HELLS: variants seen among roughly 807,000 people sequenced by gnomAD.
HELLS encodes the protein lymphoid-specific helicase.
In HELLS, 32 loss-of-function variants were observed where a neutral mutation model predicts 120.0. The ratio of observed to expected loss-of-function variants is 0.27; its 90% CI spans 0.20 to 0.36. HELLS has a LOEUF of 0.36. HELLS is among the 10% of genes least tolerant of loss of function. The probability of loss-of-function intolerance (pLI) is 1.00; values close to 1 mark genes in which losing one functional copy is unlikely to be tolerated. For missense variants in HELLS, 650 were observed against 993.4 expected, an observed-to-expected ratio of 0.65 and a Z score of 4.65; for synonymous variants, 341 against 323.4, an observed-to-expected ratio of 1.05 and a Z score of -0.58.
chr10:94,607,440 T>A (rs887286222), intron 8 of HELLS, among the ~76,000 whole-genome samples: 7 of 152,208 alleles, frequency 4.6e-5, no homozygotes, highest in African/African-American at 1.7e-4. Context: ...CAGAGGGGAA[T>A]AGATGGACTC....
intron 6 of HELLS, among the ~76,000 whole-genome samples, chr10:94,563,387 G>A (rs1430513490): frequency 6.6e-6 from 1 of 152,010 alleles, no homozygotes; most frequent in South Asian, 2.1e-4. Flanking sequence ...GAGCCATTGC[G>A]CCCATCCTCA....
intron 17 of HELLS, among the ~76,000 whole-genome samples, 182 bp from the exon 18 acceptor site, chr10:94,593,317 G>A (rs1163862769): frequency 1.3e-5 from 2 of 152,092 alleles, no homozygotes; most frequent in Non-Finnish European, 2.9e-5. Flanking sequence ...TTTAATATAG[G>A]TGCTTGGACG....
chr10:94,576,552 A>G, intron 9 of HELLS, 110 bp from the exon 10 acceptor site: 1 of 572,154 alleles, frequency 1.7e-6, no homozygotes, highest in East Asian at 3.1e-5. Context: ...AAATAGAAAT[A>G]AAATTTTTTA....
At chr10:94,593,217 A>G (rs1214691092) in intron 17 of HELLS, among the ~76,000 whole-genome samples, 2 of 152,166 alleles carry the variant, frequency 1.3e-5, no homozygotes, top group Non-Finnish European at 2.9e-5. Flanking sequence ...ATGTGTTTAG[A>G]CAACTACAAT....
At chr10:94,566,974 A>T (rs890653346) in intron 6 of HELLS, among the ~76,000 whole-genome samples, 1 of 151,934 alleles carries the variant, frequency 6.6e-6, no homozygotes, top group Non-Finnish European at 1.5e-5. Context: ...TTATTCTTTC[A>T]TTTACTGTTA....
chr10:94,594,459 G>A (rs890735767), intron 18 of HELLS, among the ~76,000 whole-genome samples: 3 of 152,186 alleles, frequency 2.0e-5, no homozygotes, highest in Non-Finnish European at 4.4e-5. Flanking sequence ...GATTATAGGA[G>A]TGAGTCATCG....
chr10:94,554,772 A>C (rs901872037), intron 3 of HELLS, among the ~76,000 whole-genome samples: 3 of 151,836 alleles, frequency 2.0e-5, no homozygotes, highest in African/African-American at 7.3e-5. Flanking sequence ...CTCACCCTCA[A>C]CTTTGAGGAA....
At chr10:94,549,088 T>G (rs1305923741) in intron 2 of HELLS, among the ~76,000 whole-genome samples, 1 of 152,142 alleles carries the variant, frequency 6.6e-6, no homozygotes, top group African/African-American at 2.4e-5. Flanking sequence ...TGTCTTGTTA[T>G]GTACAGATAA....
intron 2 of HELLS, among the ~76,000 whole-genome samples, chr10:94,553,070 T>G (rs1056359259): frequency 1.3e-4 from 20 of 152,208 alleles, no homozygotes; most frequent in Non-Finnish European, 2.5e-4. Context: ...TCAACTTGTT[T>G]ATTAATCTCA....
rs543480480 is a variant in HELLS, at chr10:94,552,018, C to T, written c.154-2108C>T. ...CCTCCCAAAGTGCTGGGATTACAGG[C>T]GTGAGCCACCGCGCCCAGCCTCATA... On this transcript the variant is annotated intron_variant, in intron 2 of 21. Coordinates refer to ENST00000348459, the MANE Select transcript of HELLS (RefSeq NM_018063.5). 4.9e-4 allele frequency among the ~76,000 whole-genome samples: 75 copies of T among 152,282 alleles called. 1 individual carries two copies. The South Asian group carries it at 0.013, about 27-fold the overall frequency.
At chr10:94,549,451 T>G (rs560843761) in intron 2 of HELLS, among the ~76,000 whole-genome samples, 9 of 152,350 alleles carry the variant, frequency 5.9e-5, no homozygotes, top group Non-Finnish European at 1.2e-4. Flanking sequence ...GTATTTCCCT[T>G]TAAAAGAAGT....
downstream of HELLS, among the ~76,000 whole-genome samples, chr10:94,604,047 C>T (rs1846098899): frequency 6.6e-6 from 1 of 151,414 alleles, no homozygotes. Context: ...AGGCTGGTCT[C>T]CAACTCCTGA....
rs566195266 is a variant in HELLS, at chr10:94,584,079, G to A, written c.1326+1020G>A. 217 of 1,391,510 alleles carry A rather than the reference G, an allele frequency of 1.6e-4. 1 individual carries two copies. In the African/African-American group the frequency reaches 2.5e-3, roughly 16 times the overall value. 86.2% of individuals were successfully genotyped at this position (1,391,510 alleles called of 1,614,324 possible). A position where few individuals can be genotyped will look rare whatever the true frequency, so the allele number is the denominator to read the frequency against. Reference sequence around the variant, plus strand: ...TCCAGAAAAGATTTATATGATATACGTCCATATGAAAATACTTATTTACTC... The same window carrying A: ...TCCAGAAAAGATTTATATGATATACATCCATATGAAAATACTTATTTACTC... On this transcript the variant is annotated intron_variant, in intron 12 of 21. Transcript: ENST00000348459.
At chr10:94,577,811 C>T (rs1178398651) in intron 10 of HELLS, among the ~76,000 whole-genome samples, 2 of 152,132 alleles carry the variant, frequency 1.3e-5, no homozygotes, top group East Asian at 3.9e-4. Context: ...CCTGTAATCC[C>T]AGCACTTTGG....
At chr10:94,575,771 TTG>T (rs71031588) in intron 9 of HELLS, among the ~76,000 whole-genome samples, 29,550 of 122,600 alleles carry the variant, frequency 0.24, 3,536 homozygotes, top group Admixed American at 0.31. Context: ...GGGGTTGTGT[TTG>T]TGTGTGTGTG....
rs756942688 is a variant in HELLS, at chr10:94,545,926, C to T, written c.5C>T (p.Pro2Leu). MPAERPAGSGGS... is the reference protein window; with the variant it reads MLAERPAGSGGS... ...TTCCCGGGTGAGTGTCCAGGCATGC[C>T]AGCGGAACGGCCCGCGGGCAGCGGC... The change falls in exon 1 of 22, where the codon CCA (proline) becomes CTA (leucine). Residue 2 changes from proline (P) to leucine (L), a missense_variant. Coordinates refer to ENST00000348459, the MANE Select transcript of HELLS (RefSeq NM_018063.5). 2 of 1,555,734 alleles carry T rather than the reference C, an allele frequency of 1.3e-6. No homozygotes were observed. Among genetic ancestry groups the T allele is most frequent in the African/African-American group, 1.4e-5 (1 of 73,404 alleles).
At chr10:94,581,235 C>T (rs558589259) in intron 10 of HELLS, 91 bp from the exon 11 acceptor site, 232 of 656,668 alleles carry the variant, frequency 3.5e-4, no homozygotes, top group African/African-American at 2.5e-3. Flanking sequence ...CAACATCCAT[C>T]CCTCATAATA....
chr10:94,576,749 C>T lies in HELLS; in HGVS notation c.976C>T (p.His326Tyr). 6.2e-7 allele frequency: 1 copy of T among 1,611,798 alleles called. No individual in the cohort carries two copies. The highest frequency in any genetic ancestry group is 8.5e-7 in the Non-Finnish European group (1 of 1,178,484). The part of the protein sequence containing the change: ...IYKRKGTLQI[H>Y]PVVITSFEIA... The stretch of plus-strand genomic sequence containing the variant: ...CAAACGGAAAGGGACTTTGCAGATT[C>T]ATCCTGTGGTAATCACGTCATTTGA... Residue 326 changes from histidine (H) to tyrosine (Y), a missense_variant, in exon 10 of 22, where the codon CAT (histidine) becomes TAT (tyrosine). This residue lies in a region of HELLS where 61 missense variants were observed against 86.5 expected (regional missense o/e 0.71). Coordinates refer to ENST00000348459, the MANE Select transcript of HELLS (RefSeq NM_018063.5).
At chr10:94,574,781 T>G (rs746112407) in intron 9 of HELLS, 45 bp downstream of exon 9, 5 of 1,452,572 alleles carry the variant, frequency 3.4e-6, no homozygotes, top group South Asian at 2.5e-5. Flanking sequence ...TTACATGTTT[T>G]CTTATGCTTT....
Sources: gnomAD v4.1 joint callset for allele counts (sites outside exome capture counted in the v4.1 genomes callset) on GRCh38, gnomAD v4.1.1 for gene constraint, gnomAD v4.1.1 regional missense constraint, MANE v1.5 for transcripts, NCBI Gene and HGNC (gene_info 2026-07-23, HGNC 2026-07-21) for gene names.